Variants in CSNK2A2IP observed in about 807,000 individuals in gnomAD.
The protein encoded by CSNK2A2IP is casein kinase 2 subunit alpha' interacting protein, also known as casein kinase II subunit alpha'-interacting protein.
At chr3:88,455,524 C>G in the CSNK2A2IP span, among the ~76,000 whole-genome samples, 1 of 151,858 alleles carries the variant, frequency 6.6e-6, no homozygotes, top group African/African-American at 2.4e-5. Flanking sequence ...AACGTTTATT[C>G]AGGTCCTTTG....
chr3:88,362,017 GA>G, the CSNK2A2IP span, among the ~76,000 whole-genome samples: 11 of 151,982 alleles, frequency 7.2e-5, no homozygotes, highest in African/African-American at 2.4e-4. Context: ...GAAGTCTGTC[GA>G]GCTTCTTCAA....
the CSNK2A2IP span, chr3:88,465,556 T>G: frequency 8.1e-7 from 1 of 1,231,742 alleles, no homozygotes; most frequent in Non-Finnish European, 1.0e-6. Flanking sequence ...GGTCCAGAGA[T>G]GCTCAGTATT....
the CSNK2A2IP span, among the ~76,000 whole-genome samples, chr3:88,362,153 T>G: frequency 6.6e-6 from 1 of 152,250 alleles, no homozygotes; most frequent in Non-Finnish European, 1.5e-5. Context: ...CTGTTCTTGG[T>G]GCTGGACATT....
the CSNK2A2IP span, among the ~76,000 whole-genome samples, chr3:88,404,942 T>G: frequency 1.2e-3 from 187 of 152,278 alleles, no homozygotes; most frequent in Non-Finnish European, 1.7e-3. Flanking sequence ...TTCCTGATAT[T>G]TGGATCACCC....
the CSNK2A2IP span, among the ~76,000 whole-genome samples, chr3:88,445,829 G>A: frequency 1.2e-4 from 18 of 152,160 alleles, no homozygotes; most frequent in Middle Eastern, 3.4e-3. Context: ...AAGACACTGT[G>A]CTACTTGGTT....
At chr3:88,340,523 C>T in the CSNK2A2IP span, among the ~76,000 whole-genome samples, 1 of 151,962 alleles carries the variant, frequency 6.6e-6, no homozygotes, top group Non-Finnish European at 1.5e-5. Flanking sequence ...CAAGATCTCT[C>T]CCCTGTCATT....
At chr3:88,350,569 A>T in the CSNK2A2IP span, among the ~76,000 whole-genome samples, 1 of 146,050 alleles carries the variant, frequency 6.8e-6, no homozygotes, top group Non-Finnish European at 1.5e-5. Flanking sequence ...GTTGGTCTTA[A>T]GGGAACAAAT....
chr3:88,464,169 G>C, the CSNK2A2IP span, among the ~76,000 whole-genome samples: 28 of 148,144 alleles, frequency 1.9e-4, no homozygotes, highest in Middle Eastern at 3.4e-3. Context: ...GTTGTGGTGT[G>C]GGGGGAGGGG....
At chr3:88,344,319 G>A in the CSNK2A2IP span, among the ~76,000 whole-genome samples, 2 of 151,742 alleles carry the variant, frequency 1.3e-5, no homozygotes, top group African/African-American at 4.8e-5. Context: ...TTTTAGACTT[G>A]CAATGAAGGC....
At chr3:88,396,690 T>A in the CSNK2A2IP span, among the ~76,000 whole-genome samples, 1 of 152,184 alleles carries the variant, frequency 6.6e-6, no homozygotes, top group Admixed American at 6.5e-5. Context: ...CCTTAGTGGC[T>A]AGATAATGAT....
the CSNK2A2IP span, among the ~76,000 whole-genome samples, chr3:88,396,193 C>CT: frequency 6.6e-6 from 1 of 150,820 alleles, no homozygotes; most frequent in Non-Finnish European, 1.5e-5. Flanking sequence ...CAGGCTCCGC[C>CT]CCCTGGGGTT....
At chr3:88,422,857 A>T in the CSNK2A2IP span, among the ~76,000 whole-genome samples, 1,011 of 152,066 alleles carry the variant, frequency 6.6e-3, 11 homozygotes, top group African/African-American at 0.024. Flanking sequence ...TTATTTTCTC[A>T]GTTGTTTTCT....
chr3:88,365,743 C>G, the CSNK2A2IP span, among the ~76,000 whole-genome samples: 1 of 152,040 alleles, frequency 6.6e-6, no homozygotes, highest in Admixed American at 6.6e-5. Flanking sequence ...TATAGGGTCA[C>G]CTGAAGCTTC....
At chr3:88,465,691 T>C in the CSNK2A2IP span, 3 of 1,231,706 alleles carry the variant, frequency 2.4e-6, no homozygotes, top group Non-Finnish European at 3.0e-6. Context: ...AAGTTCATTG[T>C]GGCCTGCTCA....
At chr3:88,413,936 C>T in the CSNK2A2IP span, among the ~76,000 whole-genome samples, 5 of 151,278 alleles carry the variant, frequency 3.3e-5, no homozygotes, top group South Asian at 1.0e-3. Flanking sequence ...AGAAGAATAG[C>T]CAAATAACAT....
the CSNK2A2IP span, among the ~76,000 whole-genome samples, chr3:88,376,546 C>T: frequency 6.6e-6 from 1 of 151,808 alleles, no homozygotes; most frequent in African/African-American, 2.4e-5. Context: ...ATTCTTATTT[C>T]ATTAGCTTCA....
chr3:88,418,465 C>CGCGCGCGT, the CSNK2A2IP span, among the ~76,000 whole-genome samples: 1 of 62,370 alleles, frequency 1.6e-5, no homozygotes, highest in East Asian at 5.7e-4. Flanking sequence ...TGTGTGTGTG[C>CGCGCGCGT]GCGCGGGCGT....
At chr3:88,405,475 G>A in the CSNK2A2IP span, among the ~76,000 whole-genome samples, 3 of 152,114 alleles carry the variant, frequency 2.0e-5, no homozygotes, top group Non-Finnish European at 2.9e-5. Flanking sequence ...TGTTAACTCT[G>A]CGTCTTGATC....
At chr3:88,393,749 G>A in the CSNK2A2IP span, among the ~76,000 whole-genome samples, 11 of 152,210 alleles carry the variant, frequency 7.2e-5, no homozygotes, top group East Asian at 7.7e-4. Context: ...CACTGGAGAC[G>A]TAGAATTTGA....
Sources: allele counts gnomAD v4.1 joint callset (sites outside exome capture counted in the v4.1 genomes callset), GRCh38; gene constraint gnomAD v4.1.1; transcripts MANE v1.5; gene names NCBI Gene and HGNC (gene_info 2026-07-23, HGNC 2026-07-21).